Variants in ATRNL1 observed in about 807,000 individuals in gnomAD.
ATRNL1 encodes attractin-like protein 1.
ATRNL1 carries 95 observed loss-of-function variants against 182.7 expected under a neutral mutation model. That is an observed-to-expected ratio of 0.52 (90% confidence interval 0.44 to 0.62). The LOEUF is 0.62. Ranked by LOEUF, ATRNL1 falls within the 20% of genes least tolerant of loss-of-function variation. ATRNL1 has a pLI of 0.00. For missense variants in ATRNL1, 1,471 were observed against 1,679.5 expected (o/e 0.88, Z 2.17); for synonymous variants, 576 against 568.3 (o/e 1.01, Z -0.19).
intron 26 of ATRNL1, among the ~76,000 whole-genome samples, chr10:115,599,491 T>G (rs539522277): frequency 6.6e-6 from 1 of 151,572 alleles, no homozygotes; most frequent in Non-Finnish European, 1.5e-5. Flanking sequence ...ATAATTTTAC[T>G]GATGCATCAA....
At chr10:115,785,332 T>G (rs1338107012) in intron 27 of ATRNL1, among the ~76,000 whole-genome samples, 1 of 152,232 alleles carries the variant, frequency 6.6e-6, no homozygotes, top group African/African-American at 2.4e-5. Context: ...TCTCATGATA[T>G]TCTATCTTGT....
intron 28 of ATRNL1, among the ~76,000 whole-genome samples, chr10:115,861,506 A>T (rs148321340): frequency 3.2e-4 from 48 of 152,244 alleles, no homozygotes; most frequent in African/African-American, 1.1e-3. Flanking sequence ...TTAATTATAG[A>T]TGCTTCTCAG....
At chr10:115,582,394 TC>T (rs1855173103) in intron 26 of ATRNL1, among the ~76,000 whole-genome samples, 1 of 140,468 alleles carries the variant, frequency 7.1e-6, no homozygotes, top group African/African-American at 2.6e-5. Context: ...CTCCACATCC[TC>T]TCCAGCACCT....
intron 10 of ATRNL1, among the ~76,000 whole-genome samples, chr10:115,260,849 T>C (rs1218473305): frequency 6.6e-6 from 1 of 151,896 alleles, no homozygotes; most frequent in Non-Finnish European, 1.5e-5. Context: ...GAAAATAGGG[T>C]AAAAAATGAG....
At chr10:115,422,973 A>C (rs1259183557) in intron 20 of ATRNL1, among the ~76,000 whole-genome samples, 1 of 152,204 alleles carries the variant, frequency 6.6e-6, no homozygotes, top group East Asian at 1.9e-4. Flanking sequence ...TCTGTGACAC[A>C]CAATTTACCT....
chr10:115,144,674 C>A (rs1427481233), intron 5 of ATRNL1, among the ~76,000 whole-genome samples: 2 of 152,124 alleles, frequency 1.3e-5, no homozygotes, highest in African/African-American at 2.4e-5. Flanking sequence ...TTAAAGTTAT[C>A]TTGGGAAAGT....
intron 24 of ATRNL1, among the ~76,000 whole-genome samples, chr10:115,484,059 T>A (rs1848901017): frequency 1.3e-5 from 2 of 151,510 alleles, no homozygotes; most frequent in African/African-American, 4.8e-5. Flanking sequence ...TTATACTCCC[T>A]TTCTTGGGAT....
chr10:115,803,327 A>G (rs1424460438), intron 27 of ATRNL1, among the ~76,000 whole-genome samples: 1 of 152,152 alleles, frequency 6.6e-6, no homozygotes, highest in Non-Finnish European at 1.5e-5. Context: ...TGAAGGATAT[A>G]ATATATTGCA....
intron 27 of ATRNL1, among the ~76,000 whole-genome samples, chr10:115,818,729 A>G (rs1361931677): frequency 6.6e-6 from 1 of 152,154 alleles, no homozygotes; most frequent in Non-Finnish European, 1.5e-5. Flanking sequence ...TGGCAAATCC[A>G]GAAGAGGCTC....
chr10:115,937,252 T>G (rs190997965), intron 28 of ATRNL1, among the ~76,000 whole-genome samples: 1 of 152,304 alleles, frequency 6.6e-6, no homozygotes, highest in East Asian at 1.9e-4. Flanking sequence ...TGTAAAATAT[T>G]ATGATATGTT....
chr10:115,271,657 C>T (rs1323495162), intron 13 of ATRNL1, among the ~76,000 whole-genome samples: 1 of 152,190 alleles, frequency 6.6e-6, no homozygotes, highest in Non-Finnish European at 1.5e-5. Context: ...TACATATATT[C>T]TCACCTAACC....
At chr10:115,413,214 C>T (rs1270701911) in intron 20 of ATRNL1, among the ~76,000 whole-genome samples, 1 of 152,036 alleles carries the variant, frequency 6.6e-6, no homozygotes, top group Non-Finnish European at 1.5e-5. Context: ...GATATTTTCC[C>T]ATGAGTGGTG....
chr10:115,849,414 G>T (rs1555099876), intron 28 of ATRNL1, among the ~76,000 whole-genome samples: 1 of 152,136 alleles, frequency 6.6e-6, no homozygotes, highest in African/African-American at 2.4e-5. Flanking sequence ...ACAAGTCTGT[G>T]TGATATACAC....
At chr10:115,911,583 G>T (rs920205036) in intron 28 of ATRNL1, among the ~76,000 whole-genome samples, 4 of 152,114 alleles carry the variant, frequency 2.6e-5, no homozygotes, top group Admixed American at 2.0e-4. Flanking sequence ...CAAAGTGCTG[G>T]GATTAAAGCC....
chr10:115,830,109 C>G (rs1950526438), intron 27 of ATRNL1, among the ~76,000 whole-genome samples: 1 of 152,208 alleles, frequency 6.6e-6, no homozygotes, highest in South Asian at 2.1e-4. Flanking sequence ...TGCATATATG[C>G]AGTTCCTGGT....
intron 21 of ATRNL1, among the ~76,000 whole-genome samples, chr10:115,429,284 C>T (rs1009438265): frequency 8.6e-5 from 13 of 151,948 alleles, no homozygotes; most frequent in African/African-American, 2.9e-4. Flanking sequence ...CTTTGGTGAA[C>T]GCTTACTAAA....
chr10:115,287,891 TCTC>T (rs1343370604), intron 15 of ATRNL1, among the ~76,000 whole-genome samples: 1 of 149,986 alleles, frequency 6.7e-6, no homozygotes, highest in East Asian at 2.0e-4. Flanking sequence ...CTCTAGTACC[TCTC>T]CTCTACATTT....
At chr10:115,190,598 G>T (rs148584166) in intron 8 of ATRNL1, among the ~76,000 whole-genome samples, 206 of 152,096 alleles carry the variant, frequency 1.4e-3, no homozygotes, top group Admixed American at 2.7e-3. Flanking sequence ...CATAATAGTT[G>T]TATATGTTTA....
At chr10:115,401,556 A>G (rs28564357) in intron 20 of ATRNL1, among the ~76,000 whole-genome samples, 1,774 of 152,266 alleles carry the variant, frequency 0.012, 35 homozygotes, top group African/African-American at 0.039. Flanking sequence ...TTATAAGTGT[A>G]GTGCCAAAAT....
Sources: gnomAD v4.1 joint callset for allele counts (sites outside exome capture counted in the v4.1 genomes callset) on GRCh38, gnomAD v4.1.1 for gene constraint, MANE v1.5 for transcripts, NCBI Gene and HGNC (gene_info 2026-07-23, HGNC 2026-07-21) for gene names.